Variants in TTC6 observed in about 807,000 individuals in gnomAD.
TTC6 encodes tetratricopeptide repeat protein 6.
In TTC6, 172 loss-of-function variants were observed where a neutral mutation model predicts 210.4. The ratio of observed to expected loss-of-function variants is 0.82; its 90% CI spans 0.72 to 0.93. TTC6 has a LOEUF of 0.93. Among genes scored for constraint, TTC6 ranks in the 40% least tolerant of loss-of-function variants. The pLI, the probability that TTC6 is intolerant of heterozygous loss-of-function variation, is 0.00. For synonymous variants in TTC6, 804 were observed against 819.6 expected (o/e 0.98, Z 0.32); for missense variants, 2,414 against 2,318.1 (o/e 1.04, Z -0.85).
chr14:37,772,332 C>G (rs1275768264), intron 14 of TTC6: 2 of 155,828 alleles, frequency 1.3e-5, no homozygotes, highest in Admixed American at 6.5e-5. Context: ...TAGGCTCCAC[C>G]CAGTTGGAGC....
chr14:37,612,596 T>TA (rs1375208315), intron 2 of TTC6, among the ~76,000 whole-genome samples: 1 of 152,240 alleles, frequency 6.6e-6, no homozygotes, highest in African/African-American at 2.4e-5. Context: ...ATCGTGATTT[T>TA]AAGAATATTG....
intron 12 of TTC6, 96 bp downstream of exon 14, chr14:37,749,939 T>A (rs1165750776): frequency 3.4e-6 from 3 of 885,616 alleles, no homozygotes; most frequent in African/African-American, 1.7e-5. Context: ...AGTAGATATA[T>A]GTCCTGAAAA....
chr14:37,749,820 A>G (rs1422246169), exon 12 of TTC6: 4 of 1,408,034 alleles, frequency 2.8e-6, no homozygotes, highest in Non-Finnish European at 3.7e-6. Flanking sequence ...AATTATATAC[A>G]TAAATATAAT....
chr14:37,842,560 G>A (rs540192414), downstream of TTC6: 5 of 247,976 alleles, frequency 2.0e-5, no homozygotes, highest in East Asian at 4.0e-4. Context: ...AATTAAATAG[G>A]AATGTCTCTT....
At chr14:37,790,972 T>C (rs2096077929) in intron 16 of TTC6, 135 bp downstream of exon 18, 2 of 694,550 alleles carry the variant, frequency 2.9e-6, no homozygotes, top group East Asian at 5.9e-5. Context: ...ATCCTAGAAT[T>C]AGAATACTAC....
chr14:37,772,223 C>T (rs942756495), intron 14 of TTC6, among the ~76,000 whole-genome samples: 1 of 152,194 alleles, frequency 6.6e-6, no homozygotes, highest in Admixed American at 6.5e-5. Context: ...CAGATAGGGA[C>T]ATTTAAGTCT....
chr14:37,841,329 T>C, intron 29 of TTC6, 116 bp from the exon 32 acceptor site: 1 of 838,862 alleles, frequency 1.2e-6, no homozygotes, highest in Non-Finnish European at 1.8e-6. Context: ...ATGAAATGCT[T>C]CTGTTGACCT....
intron 1 of TTC6, among the ~76,000 whole-genome samples, chr14:37,596,381 G>T (rs1333681855): frequency 6.6e-6 from 1 of 152,270 alleles, no homozygotes; most frequent in Non-Finnish European, 1.5e-5. Context: ...CCGCAGCGGC[G>T]CTTGGTCCTG....
At chr14:37,694,013 A>AACAAACAAACAC (rs111633833) in intron 3 of TTC6, among the ~76,000 whole-genome samples, 5 of 138,172 alleles carry the variant, frequency 3.6e-5, no homozygotes, top group African/African-American at 1.4e-4. Flanking sequence ...CAAACAAACA[A>AACAAACAAACAC]ACACTGGGGA....
At chr14:37,757,092 C>G (rs1004160600) in intron 14 of TTC6, among the ~76,000 whole-genome samples, 1 of 151,942 alleles carries the variant, frequency 6.6e-6, no homozygotes, top group African/African-American at 2.4e-5. Context: ...GGGTATGTGT[C>G]CAGGAATTTA....
intron 14 of TTC6, among the ~76,000 whole-genome samples, chr14:37,756,849 T>C (rs2095969414): frequency 6.6e-6 from 1 of 152,238 alleles, no homozygotes; most frequent in African/African-American, 2.4e-5. Context: ...GGTATCAGCA[T>C]GATACTGTCC....
intron 14 of TTC6, among the ~76,000 whole-genome samples, chr14:37,757,406 G>T (rs1210425504): frequency 6.6e-6 from 1 of 151,966 alleles, no homozygotes; most frequent in Admixed American, 6.6e-5. Flanking sequence ...GACTACAGGT[G>T]TCTGCCACCA....
At chr14:37,749,634 C>T in intron 11 of TTC6, 80 bp from the exon 14 acceptor site, 3 of 1,119,488 alleles carry the variant, frequency 2.7e-6, no homozygotes, top group Non-Finnish European at 3.5e-6. Flanking sequence ...CTGGGATCAA[C>T]CGTGTTTTAA....
At chr14:37,696,920 AAAACTAAATGTTTTAG>A (rs1408666977) in intron 4 of TTC6, 85 bp downstream of exon 6, 2 of 578,732 alleles carry the variant, frequency 3.5e-6, no homozygotes, top group African/African-American at 3.9e-5. Context: ...TTTAAAAAAG[AAAACTAAATGTTTTAG>A]AAATTCATAT....
At chr14:37,842,400 C>A in exon 31 of TTC6, 2 of 999,990 alleles carry the variant, frequency 2.0e-6, no homozygotes, top group Non-Finnish European at 2.7e-6. Flanking sequence ...ATTCGTTATG[C>A]TTAGTCTTCC....
At chr14:37,827,438 A>G in intron 29 of TTC6, 72 bp downstream of exon 31, 2 of 1,419,964 alleles carry the variant, frequency 1.4e-6, no homozygotes, top group Non-Finnish European at 1.9e-6. Context: ...GCTTCAAAGT[A>G]TAATTCATAC....
intron 4 of TTC6, among the ~76,000 whole-genome samples, chr14:37,698,899 C>T (rs1376290081): frequency 6.6e-6 from 1 of 152,110 alleles, no homozygotes; most frequent in Non-Finnish European, 1.5e-5. Context: ...CCTCATTTAT[C>T]AGAAGACTTT....
At chr14:37,606,466 C>T (rs551217959) in intron 1 of TTC6, among the ~76,000 whole-genome samples, 197 bp from the exon 2 acceptor site, 5 of 152,220 alleles carry the variant, frequency 3.3e-5, no homozygotes, top group South Asian at 4.1e-4. Flanking sequence ...CTTTACTTCC[C>T]CTCTCTGTCT....
intron 19 of TTC6, 26 bp downstream of exon 21, chr14:37,796,396 A>G: frequency 1.0e-6 from 1 of 957,820 alleles, no homozygotes; most frequent in Non-Finnish European, 1.6e-6. Flanking sequence ...TATAACTTTT[A>G]AGAAATACTT....
Sources: allele counts gnomAD v4.1 joint callset (sites outside exome capture counted in the v4.1 genomes callset), GRCh38; gene constraint gnomAD v4.1.1; transcripts MANE v1.5; gene names NCBI Gene and HGNC (gene_info 2026-07-23, HGNC 2026-07-21).